Variants in AP1B1 observed in about 807,000 individuals in gnomAD.
AP1B1 encodes the protein AP-1 complex subunit beta-1.
AP1B1 carries 36 observed loss-of-function variants against 104.3 expected under a neutral mutation model. The ratio of observed to expected loss-of-function variants is 0.35; its 90% CI spans 0.26 to 0.46. AP1B1 has a LOEUF of 0.46. Ranked by LOEUF, AP1B1 falls within the 20% of genes least tolerant of loss-of-function variation. The pLI is 1.00. For missense variants in AP1B1, 901 were observed against 1,247.9 expected (o/e 0.72, Z 4.19); for synonymous variants, 504 against 517.5 (o/e 0.97, Z 0.35).
intron 16 of AP1B1, among the ~76,000 whole-genome samples, chr22:29,335,342 G>A (rs2061623299): frequency 6.6e-6 from 1 of 152,108 alleles, no homozygotes; most frequent in Non-Finnish European, 1.5e-5. Flanking sequence ...CGCACTCAGT[G>A]CCAACAAAGG....
chr22:29,387,085 T>C (rs150306570), intron 1 of AP1B1, among the ~76,000 whole-genome samples: 1 of 152,206 alleles, frequency 6.6e-6, no homozygotes, highest in African/African-American at 2.4e-5. Context: ...CTCGACAATC[T>C]TCAAATAGTT....
intron 1 of AP1B1, among the ~76,000 whole-genome samples, chr22:29,368,374 T>C (rs1299675248): frequency 1.3e-5 from 2 of 152,006 alleles, no homozygotes; most frequent in Admixed American, 1.3e-4. Flanking sequence ...TTAACAAAAA[T>C]TTACTGAGCA....
At chr22:29,366,107 G>T (rs7285125) in intron 2 of AP1B1, among the ~76,000 whole-genome samples, 2,888 of 152,260 alleles carry the variant, frequency 0.019, 29 homozygotes, top group South Asian at 0.045. Context: ...TGGAAGGAAG[G>T]AGGGAGGAAT....
Position 29,351,184 on chromosome 22 carries a change from G to A in AP1B1, c.1142C>T (p.Ala381Val). 1.2e-6 allele frequency: 2 copies of A among 1,612,382 alleles called. No individual in the cohort carries two copies. Among genetic ancestry groups the A allele is most frequent in the Non-Finnish European group, 1.7e-6 (2 of 1,178,618 alleles). The change falls in exon 9 of 23, where the codon GCC (alanine) becomes GTC (valine). Residue 381 changes from alanine (A) to valine (V), a missense_variant. Transcript: ENST00000357586. ...CCAGAGCCTCACCTCCACCTTGATG[G>A]CGCAGCGGCCAATAGCACGCACAGC... ...RKAVRAIGRCAIKVEQSAERC... is the reference protein window; with the variant it reads ...RKAVRAIGRCVIKVEQSAERC...
At position 29,339,108 on chromosome 22, in the gene AP1B1, G is replaced by A; in HGVS notation, c.2045C>T (p.Pro682Leu). The A allele has an allele frequency of 1.2e-6, 2 of 1,614,208 alleles. No homozygotes were observed. Among genetic ancestry groups the A allele is most frequent in the Non-Finnish European group, 1.7e-6 (2 of 1,180,042 alleles). The part of the protein sequence containing the change: ...EGIGGTNFVA[P>L]PTAAVPANLG... The stretch of plus-strand genomic sequence containing the variant: ...ATTGGCTGGTACTGCTGCTGTTGGA[G>A]GTGCCACGAAGTTGGTGCCCCCAAT... Residue 682 changes from proline to leucine, a missense_variant, in exon 16 of 23, where the codon CCT becomes CTT. Transcript: ENST00000357586.
intron 11 of AP1B1, among the ~76,000 whole-genome samples, chr22:29,345,621 C>T (rs1375997697): frequency 1.3e-5 from 2 of 151,492 alleles, no homozygotes; most frequent in Non-Finnish European, 2.9e-5. Flanking sequence ...CCTCCTGCCT[C>T]GGCCTCCCAA....
intron 15 of AP1B1, 82 bp downstream of exon 15, chr22:29,339,672 G>GC (rs1569153473): frequency 6.8e-7 from 1 of 1,472,010 alleles, no homozygotes; most frequent in East Asian, 2.4e-5. Context: ...GACATCACCC[G>GC]CCCCCGCCCC....
At chr22:29,387,292 G>A (rs547225363) in intron 1 of AP1B1, among the ~76,000 whole-genome samples, 1 of 151,800 alleles carries the variant, frequency 6.6e-6, no homozygotes, top group South Asian at 2.1e-4. Context: ...TAAATACAAC[G>A]GCAGCTAAAA....
At chr22:29,369,248 T>G (rs1353962232) in intron 1 of AP1B1, among the ~76,000 whole-genome samples, 1 of 151,960 alleles carries the variant, frequency 6.6e-6, no homozygotes, top group Non-Finnish European at 1.5e-5. Context: ...CCCAATTGGA[T>G]TTTTCCAAAT....
rs771198550 is a variant in AP1B1, at chr22:29,363,117, G to A, written c.38-11C>T. On this transcript the variant is annotated splice_polypyrimidine_tract_variant and intron_variant, in intron 2 of 22. Coordinates refer to ENST00000357586, the MANE Select transcript of AP1B1 (RefSeq NM_001127.4). ...GCTCGAAGATCTCCCCTAAGGAAAGGAGGCAAGCATGAGTGATCCCTCCCT... is the reference window on the plus strand; with the variant it reads ...GCTCGAAGATCTCCCCTAAGGAAAGAAGGCAAGCATGAGTGATCCCTCCCT... The A allele has an allele frequency of 8.7e-6, 11 of 1,266,380 alleles. No homozygotes were observed. Among genetic ancestry groups the A allele is most frequent in the Non-Finnish European group, 1.3e-5 (11 of 862,692 alleles). 78.4% of individuals were successfully genotyped at this position (1,266,380 alleles called of 1,614,324 possible).
chr22:29,335,573 G>A (rs1340902088), intron 16 of AP1B1, among the ~76,000 whole-genome samples: 2 of 152,174 alleles, frequency 1.3e-5, no homozygotes, highest in African/African-American at 4.8e-5. Context: ...CTGCCAGGTG[G>A]CACCCCATTT....
Position 29,340,660 on chromosome 22 carries a change from C to T in AP1B1, c.1994G>A (p.Ser665Asn). Reference protein sequence around the residue: ...AVDLLGGGLDSLMGDEPEGIG... With the variant: ...AVDLLGGGLDNLMGDEPEGIG... The stretch of plus-strand genomic sequence containing the variant: ...CAGAGGGGGCCCACAACATACCAGG[C>T]TGTCAAGGCCACCGCCAAGAAGGTC... Residue 665 changes from serine to asparagine, a missense_variant, in exon 14 of 23, where the codon AGC becomes AAC. Ser to Asn is a conservative substitution (Grantham distance 46). This residue lies in a region of AP1B1 where 424 missense variants were observed against 494.0 expected (regional missense o/e 0.86). Transcript: ENST00000357586. 1 of 1,550,038 alleles carries T rather than the reference C, an allele frequency of 6.5e-7. No individual in the cohort carries two copies. Among genetic ancestry groups the T allele is most frequent in the South Asian group, 1.2e-5 (1 of 83,566 alleles).
intron 1 of AP1B1, among the ~76,000 whole-genome samples, chr22:29,385,983 A>G (rs565453028): frequency 3.4e-4 from 52 of 152,234 alleles, no homozygotes; most frequent in Non-Finnish European, 7.1e-4. Context: ...AGGAAGTGAA[A>G]CAAGAAGGGT....
At chr22:29,347,230 G>A (rs1215308823) in intron 11 of AP1B1, among the ~76,000 whole-genome samples, 2 of 152,156 alleles carry the variant, frequency 1.3e-5, no homozygotes, top group Non-Finnish European at 2.9e-5. Flanking sequence ...GCCAGCTACC[G>A]GAACCAGTTG....
chr22:29,382,310 T>C (rs771334481), intron 1 of AP1B1, among the ~76,000 whole-genome samples: 1 of 152,152 alleles, frequency 6.6e-6, no homozygotes, highest in Non-Finnish European at 1.5e-5. Flanking sequence ...GCCTCCCAAG[T>C]AGCTGGGATT....
At chr22:29,359,479 A>G (rs569595574) in intron 4 of AP1B1, among the ~76,000 whole-genome samples, 1 of 151,576 alleles carries the variant, frequency 6.6e-6, no homozygotes, top group Non-Finnish European at 1.5e-5. Context: ...TCTGAAGGAC[A>G]GAAAATGGAG....
chr22:29,340,515 C>A (rs979059001), intron 14 of AP1B1, 141 bp downstream of exon 14: 5 of 932,434 alleles, frequency 5.4e-6, no homozygotes, highest in South Asian at 4.2e-5. Flanking sequence ...GGGAGCTACA[C>A]AATCACCTCC....
At chr22:29,383,191 T>A (rs2062464523) in intron 1 of AP1B1, among the ~76,000 whole-genome samples, 1 of 152,100 alleles carries the variant, frequency 6.6e-6, no homozygotes, top group African/African-American at 2.4e-5. Context: ...GTCCTCAGTG[T>A]CCCAGCAGCC....
At chr22:29,346,661 A>C (rs2061797315) in intron 11 of AP1B1, among the ~76,000 whole-genome samples, 2 of 152,136 alleles carry the variant, frequency 1.3e-5, no homozygotes, top group Non-Finnish European at 2.9e-5. Context: ...TCCCTGCACT[A>C]CAGGACATCC....
Sources: gnomAD v4.1 joint callset for allele counts (sites outside exome capture counted in the v4.1 genomes callset) on GRCh38, gnomAD v4.1.1 for gene constraint, gnomAD v4.1.1 regional missense constraint, MANE v1.5 for transcripts, NCBI Gene and HGNC (gene_info 2026-07-23, HGNC 2026-07-21) for gene names.